BMP1: variants seen among roughly 807,000 people sequenced by gnomAD.
The protein encoded by BMP1 is bone morphogenetic protein 1.
A neutral mutation model predicts 116.8 loss-of-function variants in BMP1; 63 were observed. That is an observed-to-expected ratio of 0.54 (90% CI 0.44 to 0.67). The LOEUF (loss-of-function observed/expected upper bound fraction) is 0.67. BMP1 is among the 30% of genes least tolerant of loss of function. The probability of loss-of-function intolerance (pLI) is 0.00; values close to 1 mark genes in which losing one functional copy is unlikely to be tolerated. For missense variants in BMP1, 1,183 were observed against 1,358.9 expected, an observed-to-expected ratio of 0.87 and a Z score of 2.04; for synonymous variants, 536 against 533.4, an observed-to-expected ratio of 1.00 and a Z score of -0.07.
rs1299770323 is a variant in BMP1, at chr8:22,194,490, C to A, written c.1343C>A (p.Ser448Ter). Reference protein sequence around the residue: ...DVKKDYGHIQSPNYPDDYRPS... With the variant: ...DVKKDYGHIQ ...AAAAAGGACTATGGCCACATTCAAT[C>A]GCCCAACTACCCAGACGATTACCGG... is the stretch of plus-strand genomic sequence containing the variant. The change falls in exon 11 of 20, where the codon TCG (serine) becomes TAG (stop). Residue 448 changes from serine (S) to a stop codon, truncating the protein, a stop_gained. Coordinates refer to ENST00000306385, the MANE Select transcript of BMP1 (RefSeq NM_006129.5). LOFTEE classifies it high-confidence loss of function. This position sits in a 1 kb window ranked among gnomAD's most constrained non-coding sequence, Gnocchi z 4.5. 1 of 1,614,060 alleles carries A rather than the reference C, an allele frequency of 6.2e-7. No homozygotes were observed. The highest frequency in any genetic ancestry group is 8.5e-7 in the Non-Finnish European group (1 of 1,180,046).
rs781421569 is a variant in BMP1, at chr8:22,165,412, G to C, written c.7G>C (p.Gly3Arg). 3.0e-5 allele frequency: 45 copies of C among 1,519,838 alleles called. No individual in the cohort carries two copies. In the African/African-American group the frequency reaches 5.6e-4, roughly 19 times the overall value. The allele number at this position is 1,519,838 out of a possible 1,614,324, so 94.1% of individuals were successfully genotyped here. Reference sequence around the variant, plus strand: ...TCGCCGCCGCCCCGCCAGCATGCCCGGCGTGGCCCGCCTGCCGCTGCTGCT... The same window carrying C: ...TCGCCGCCGCCCCGCCAGCATGCCCCGCGTGGCCCGCCTGCCGCTGCTGCT... Reference protein sequence around the residue: MPGVARLPLLLGL... With the variant: MPRVARLPLLLGL... The change falls in exon 1 of 20, where the codon GGC (glycine) becomes CGC (arginine). Residue 3 changes from glycine to arginine, a missense_variant. Gly to Arg is a moderately radical substitution (Grantham distance 125). Transcript: ENST00000306385.
rs1828540006 is a variant in BMP1 at position 22,179,143 on chromosome 8, A to G, written c.837-562A>G. Among the ~76,000 whole-genome samples, 1 of 152,224 alleles carries G rather than the reference A, an allele frequency of 6.6e-6. No homozygotes were observed. Among genetic ancestry groups the G allele is most frequent in the Non-Finnish European group, 1.5e-5 (1 of 68,042 alleles). On this transcript the variant is annotated intron_variant, in intron 6 of 19. Transcript: ENST00000306385. This position sits in a 1 kb window ranked among gnomAD's most constrained non-coding sequence, Gnocchi z 4.6. ...CAGGATTCAGCAGGGAGGAATGGCC[A>G]GGACAGGAGACACTGATAGATTGGG...
At chr8:22,169,092 G>A (rs560510292) in intron 1 of BMP1, among the ~76,000 whole-genome samples, 41 of 151,784 alleles carry the variant, frequency 2.7e-4, no homozygotes, top group African/African-American at 9.7e-4. Flanking sequence ...GTTGGAGCTC[G>A]AGAGTTCAAG....
chr8:22,187,507 T>TC (rs1196325116), intron 8 of BMP1, among the ~76,000 whole-genome samples: 3 of 143,348 alleles, frequency 2.1e-5, no homozygotes, highest in African/African-American at 7.7e-5. Context: ...ATTTTTTTTT[T>TC]TTTTTTTTTT....
At chr8:22,177,394 G>C (rs1196313743) in intron 5 of BMP1, among the ~76,000 whole-genome samples, 1 of 152,218 alleles carries the variant, frequency 6.6e-6, no homozygotes, top group Non-Finnish European at 1.5e-5. Context: ...GCGGTAGCCC[G>C]GGCAGCCTCT....
intron 3 of BMP1, 100 bp from the exon 4 acceptor site, chr8:22,176,433 C>A: frequency 6.4e-7 from 1 of 1,553,156 alleles, no homozygotes; most frequent in Non-Finnish European, 8.8e-7. Context: ...ACATTCCTTT[C>A]CAGGCAGTCT....
intron 9 of BMP1, 129 bp downstream of exon 9, chr8:22,192,280 G>C: frequency 1.4e-6 from 1 of 733,892 alleles, no homozygotes; most frequent in Non-Finnish European, 2.3e-6. Flanking sequence ...GGAGCCAGGA[G>C]TCCTGGCATC....
At chr8:22,189,834 C>T (rs926251779) in intron 8 of BMP1, among the ~76,000 whole-genome samples, 2 of 152,190 alleles carry the variant, frequency 1.3e-5, no homozygotes, top group African/African-American at 4.8e-5. Flanking sequence ...TTCAGAGTTT[C>T]AAAATGCCAG....
At position 22,195,040 on chromosome 8, in the gene BMP1, G is replaced by A. The variant is rs1406076296; in HGVS notation, c.1639+121G>A. On this transcript the variant is annotated intron_variant, in intron 12 of 19. Transcript: ENST00000306385. ...TTGATACCAGTGAGACCCCAGGGCT[G>A]TGCCCTTAAGGAGCTCTGGGCTAGC... 4.5e-6 allele frequency: 5 copies of A among 1,116,772 alleles called. No individual in the cohort carries two copies. The African/African-American group carries it at 4.7e-5, about 11-fold the overall frequency. 69.2% of individuals were successfully genotyped at this position (1,116,772 alleles called of 1,614,324 possible).
rs201856970 is a variant in BMP1 at position 22,207,524 on chromosome 8, C to A, written c.2575+8C>A. ...AGGCCTCCCACGCCACAGGTACTGT[C>A]CCCGGTTGTGGGAGTGTTCACTGAG... is the stretch of plus-strand genomic sequence containing the variant. On this transcript the variant is annotated splice_region_variant and intron_variant, in intron 18 of 19. Transcript: ENST00000306385. The A allele has an allele frequency of 3.7e-6, 6 of 1,611,962 alleles. No individual in the cohort carries two copies. In the Admixed American group the frequency reaches 6.7e-5, roughly 18 times the overall value.
chr8:22,201,016 A>AACCCC, intron 15 of BMP1: 2 of 148,600 alleles, frequency 1.3e-5, no homozygotes, highest in Non-Finnish European at 2.3e-5. Flanking sequence ...CCTCAGATCC[A>AACCCC]CCTCAGAGGC....
intron 8 of BMP1, among the ~76,000 whole-genome samples, chr8:22,182,191 G>A (rs1030549488): frequency 9.2e-5 from 14 of 152,066 alleles, no homozygotes; most frequent in Non-Finnish European, 1.9e-4. Context: ...TGTTCATTTC[G>A]ACATCTCAAG....
Position 22,209,190 on chromosome 8 carries a change from C to T in BMP1, c.2576-255C>T, listed in dbSNP as rs555334963. 2.6e-5 allele frequency among the ~76,000 whole-genome samples: 4 copies of T among 152,210 alleles called. No homozygotes were observed. In the East Asian group the frequency reaches 5.8e-4, roughly 22 times the overall value. ...TCTTTAGACAAAGTGTGTGGTGCCTCGTGCCACCGCTCCATGCTGTCTTCC... is the reference window on the plus strand; with the variant it reads ...TCTTTAGACAAAGTGTGTGGTGCCTTGTGCCACCGCTCCATGCTGTCTTCC... On this transcript the variant is annotated intron_variant, in intron 18 of 19. Transcript: ENST00000306385.
chr8:22,193,759 G>T (rs1447943936), intron 9 of BMP1, among the ~76,000 whole-genome samples: 2 of 152,190 alleles, frequency 1.3e-5, no homozygotes, highest in African/African-American at 4.8e-5. Context: ...ACTCCAGCCT[G>T]GGTGACAGAG....
At chr8:22,167,067 T>TA (rs1301872280) in intron 1 of BMP1, among the ~76,000 whole-genome samples, 1 of 152,198 alleles carries the variant, frequency 6.6e-6, no homozygotes, top group Admixed American at 6.5e-5. Flanking sequence ...ATAAAACACT[T>TA]AATAGTGCTT....
chr8:22,201,706 G>T (rs564205063), intron 15 of BMP1, 97 bp from the exon 16 acceptor site: 1 of 1,556,814 alleles, frequency 6.4e-7, no homozygotes. Context: ...GCTCTGTCCC[G>T]GTGGGAGAAA....
intron 16 of BMP1, among the ~76,000 whole-genome samples, chr8:22,204,480 T>C (rs914634324): frequency 5.3e-5 from 8 of 152,170 alleles, no homozygotes; most frequent in African/African-American, 1.9e-4. Context: ...CCCAGCACTT[T>C]GGGAAGCTGA....
At chr8:22,177,679 C>T (rs533231064) in intron 5 of BMP1, 173 bp from the exon 6 acceptor site, 1 of 765,848 alleles carries the variant, frequency 1.3e-6, no homozygotes, top group East Asian at 2.4e-5. Flanking sequence ...CAGGACTCTT[C>T]CTGAGACCCT....
intron 15 of BMP1, chr8:22,199,418 C>A (rs772453434): frequency 4.0e-6 from 5 of 1,255,390 alleles, no homozygotes; most frequent in Non-Finnish European, 5.2e-6. Context: ...TGGGCCCATG[C>A]CCACCTCCTC....
Sources: allele counts gnomAD v4.1 joint callset (sites outside exome capture counted in the v4.1 genomes callset), GRCh38; gene constraint gnomAD v4.1.1; non-coding constraint Gnocchi (gnomAD v3.1); transcripts MANE v1.5; gene names NCBI Gene and HGNC (gene_info 2026-07-23, HGNC 2026-07-21).